UBE2E2: variants seen among roughly 807,000 people sequenced by gnomAD.
The protein encoded by UBE2E2 is ubiquitin-conjugating enzyme E2 E2.
In UBE2E2, 6 loss-of-function variants were observed where a neutral mutation model predicts 24.7. The observed-to-expected ratio is 0.24, with a 90% CI of 0.13 to 0.48. The LOEUF is 0.48. Ranked by LOEUF, UBE2E2 falls within the 20% of genes least tolerant of loss-of-function variation. UBE2E2 has a pLI of 0.99. For missense variants in UBE2E2, 169 were observed against 245.0 expected (o/e 0.69, Z 2.07); for synonymous variants, 104 against 83.6 (o/e 1.24, Z -1.33).
intron 5 of UBE2E2, among the ~76,000 whole-genome samples, chr3:23,562,894 T>A (rs953834674): frequency 7.9e-5 from 12 of 152,236 alleles, no homozygotes; most frequent in Non-Finnish European, 1.6e-4. Context: ...TAGTTTGTAT[T>A]TCTGTGGGAT....
intron 5 of UBE2E2, among the ~76,000 whole-genome samples, chr3:23,578,956 T>C (rs1696406330): frequency 6.6e-6 from 1 of 152,104 alleles, no homozygotes; most frequent in Non-Finnish European, 1.5e-5. Flanking sequence ...TAAATACTAC[T>C]ACTGGTTGAT....
chr3:23,261,554 T>C (rs952086660), intron 3 of UBE2E2, among the ~76,000 whole-genome samples: 2 of 152,152 alleles, frequency 1.3e-5, no homozygotes, highest in African/African-American at 4.8e-5. Context: ...AATTATGCTG[T>C]ACATTAGATT....
intron 5 of UBE2E2, among the ~76,000 whole-genome samples, chr3:23,561,829 A>C (rs1306216508): frequency 6.6e-6 from 1 of 152,108 alleles, no homozygotes; most frequent in Non-Finnish European, 1.5e-5. Flanking sequence ...ATTCTCTCTG[A>C]AGCAATTGTG....
chr3:23,246,118 C>T (rs938588706), intron 3 of UBE2E2, among the ~76,000 whole-genome samples: 33 of 152,202 alleles, frequency 2.2e-4, no homozygotes, highest in African/African-American at 7.2e-4. Flanking sequence ...GATCATGGCT[C>T]GCCGAAGCCT....
chr3:23,562,453 C>G (rs1467121476), intron 5 of UBE2E2, among the ~76,000 whole-genome samples: 1 of 152,164 alleles, frequency 6.6e-6, no homozygotes. Flanking sequence ...TTTTGATGTG[C>G]TGCTGGATTC....
At chr3:23,275,025 T>C (rs949946960) in intron 3 of UBE2E2, among the ~76,000 whole-genome samples, 3 of 152,236 alleles carry the variant, frequency 2.0e-5, no homozygotes, top group African/African-American at 7.2e-5. Flanking sequence ...GTTATCAATG[T>C]CCTTATCAGG....
At chr3:23,503,785 C>T (rs912081172) in intron 4 of UBE2E2, among the ~76,000 whole-genome samples, 3 of 151,922 alleles carry the variant, frequency 2.0e-5, no homozygotes, top group African/African-American at 4.8e-5. Context: ...ACCCAGGAGA[C>T]GAGGCTGCAG....
chr3:23,514,041 C>T (rs996000381), intron 4 of UBE2E2, among the ~76,000 whole-genome samples: 1 of 152,224 alleles, frequency 6.6e-6, no homozygotes, highest in Non-Finnish European at 1.5e-5. Context: ...AAAATCCAAA[C>T]TTCTTTGTCT....
rs553918006 is a variant in UBE2E2 at position 23,519,308 on chromosome 3, A to G, written c.361-13246A>G. ...AATGCTTATACATTATCATTTTTCT[A>G]TTTTACAATCTAATTCAAATCATCA... On this transcript the variant is annotated intron_variant, in intron 4 of 5. Coordinates refer to ENST00000396703, the MANE Select transcript of UBE2E2 (RefSeq NM_152653.4). Among the ~76,000 whole-genome samples the G allele has an allele frequency of 1.7e-4, 25 of 150,514 alleles. 1 individual carries two copies. The East Asian group carries it at 2.7e-3, about 17-fold the overall frequency.
intron 3 of UBE2E2, among the ~76,000 whole-genome samples, chr3:23,420,655 T>C (rs181434727): frequency 5.0e-4 from 76 of 152,338 alleles, no homozygotes; most frequent in African/African-American, 1.8e-3. Flanking sequence ...TACAGTATTC[T>C]TCACCTACAC....
intron 3 of UBE2E2, among the ~76,000 whole-genome samples, chr3:23,460,355 C>T (rs532013528): frequency 6.6e-6 from 1 of 152,328 alleles, no homozygotes; most frequent in East Asian, 1.9e-4. Flanking sequence ...GAATGCTTAT[C>T]ACAGAAGTGT....
intron 3 of UBE2E2, among the ~76,000 whole-genome samples, chr3:23,233,762 GATTATCTGC>G (rs760872490): frequency 6.6e-6 from 1 of 152,112 alleles, no homozygotes; most frequent in African/African-American, 2.4e-5. Context: ...CTCAGTTCTT[GATTATCTGC>G]ATTAATGGGA....
At chr3:23,544,005 G>A (rs1695456607) in intron 5 of UBE2E2, among the ~76,000 whole-genome samples, 1 of 152,148 alleles carries the variant, frequency 6.6e-6, no homozygotes, top group Non-Finnish European at 1.5e-5. Context: ...TAATTGGCAA[G>A]CCACATGTAG....
At chr3:23,362,772 C>G (rs1696153478) in intron 3 of UBE2E2, among the ~76,000 whole-genome samples, 1 of 152,150 alleles carries the variant, frequency 6.6e-6, no homozygotes, top group Non-Finnish European at 1.5e-5. Flanking sequence ...GACCTCACCC[C>G]AACCCTGTCA....
At chr3:23,574,279 A>G (rs1453330027) in intron 5 of UBE2E2, among the ~76,000 whole-genome samples, 1 of 152,182 alleles carries the variant, frequency 6.6e-6, no homozygotes, top group Non-Finnish European at 1.5e-5. Context: ...GGATACAAAC[A>G]GTTAGAAAGA....
intron 3 of UBE2E2, among the ~76,000 whole-genome samples, chr3:23,449,460 G>T (rs972846076): frequency 6.6e-6 from 1 of 152,162 alleles, no homozygotes. Context: ...TTCGGATGGG[G>T]TAAGAATGAG....
At chr3:23,385,696 A>T (rs1411876560) in intron 3 of UBE2E2, among the ~76,000 whole-genome samples, 1 of 152,338 alleles carries the variant, frequency 6.6e-6, no homozygotes, top group African/African-American at 2.4e-5. Flanking sequence ...TCAAAGTCCT[A>T]CATCATGGAA....
At chr3:23,413,448 C>T (rs1396835314) in intron 3 of UBE2E2, among the ~76,000 whole-genome samples, 1 of 152,018 alleles carries the variant, frequency 6.6e-6, no homozygotes, top group Non-Finnish European at 1.5e-5. Flanking sequence ...TCAGCTCAGC[C>T]TTAATCTTTT....
chr3:23,222,600 C>G (rs1696684566), intron 3 of UBE2E2, among the ~76,000 whole-genome samples: 1 of 152,170 alleles, frequency 6.6e-6, no homozygotes, highest in East Asian at 1.9e-4. Flanking sequence ...TACCTTTCAC[C>G]TTCACCATAA....
Sources: gnomAD v4.1 joint callset for allele counts (sites outside exome capture counted in the v4.1 genomes callset) on GRCh38, gnomAD v4.1.1 for gene constraint, MANE v1.5 for transcripts, NCBI Gene and HGNC (gene_info 2026-07-23, HGNC 2026-07-21) for gene names.